OLFM1: variants seen among roughly 807,000 people sequenced by gnomAD.
OLFM1 encodes noelin.
In OLFM1, 9 loss-of-function variants were observed where a neutral mutation model predicts 49.7. The ratio of observed to expected loss-of-function variants is 0.18; its 90% CI spans 0.11 to 0.32. The LOEUF (loss-of-function observed/expected upper bound fraction) is 0.32, where lower values mean the gene tolerates loss of function less well. Ranked by LOEUF, OLFM1 falls within the 10% of genes least tolerant of loss-of-function variation. The pLI is 1.00. For synonymous variants in OLFM1, 240 were observed against 271.8 expected (o/e 0.88, Z 1.15); for missense variants, 369 against 661.8 (o/e 0.56, Z 4.85).
At chr9:135,101,658 A>G (rs1588214279) in intron 4 of OLFM1, among the ~76,000 whole-genome samples, 1 of 152,344 alleles carries the variant, frequency 6.6e-6, no homozygotes, top group African/African-American at 2.4e-5. Context: ...GGGGAGAGTC[A>G]GTGCTGCCCC....
chr9:135,114,020 A>T (rs572323339), intron 5 of OLFM1, among the ~76,000 whole-genome samples: 3 of 151,250 alleles, frequency 2.0e-5, no homozygotes, highest in African/African-American at 7.3e-5. Context: ...CCGTCTTCAC[A>T]TGGCTCCTCC....
chr9:135,104,072 T>G (rs1166140860), intron 4 of OLFM1, among the ~76,000 whole-genome samples: 1 of 152,188 alleles, frequency 6.6e-6, no homozygotes, highest in African/African-American at 2.4e-5. Context: ...AGGAAGCTTC[T>G]TCCCTGGGGC....
At chr9:135,079,072 A>G in intron 1 of OLFM1, among the ~76,000 whole-genome samples, 1 of 152,182 alleles carries the variant, frequency 6.6e-6, no homozygotes, top group East Asian at 1.9e-4. Flanking sequence ...AACTCGGTCA[A>G]TTCTGGGCTT....
At chr9:135,083,447 G>A (rs912810611), upstream of OLFM1, among the ~76,000 whole-genome samples, 3 of 152,152 alleles carry the variant, frequency 2.0e-5, no homozygotes, top group Non-Finnish European at 4.4e-5. Flanking sequence ...CAAGGAACTA[G>A]GACTGAAGAG....
At chr9:135,078,177 A>C (rs967472071) in intron 1 of OLFM1, among the ~76,000 whole-genome samples, 9 of 152,220 alleles carry the variant, frequency 5.9e-5, no homozygotes, top group Non-Finnish European at 1.3e-4. Context: ...GTGAGTGAAG[A>C]AGCATGTCTG....
intron 5 of OLFM1, 67 bp downstream of exon 5, chr9:135,106,922 C>A: frequency 7.8e-7 from 1 of 1,287,006 alleles, no homozygotes. Flanking sequence ...TGGTGGGCCC[C>A]AGACATGGGT....
At position 135,117,582 on chromosome 9, in the gene OLFM1, C is replaced by T. The variant is rs2119145260; in HGVS notation, c.784-1922C>T. Reference sequence around the variant, plus strand: ...ATTTGCCCTCGGCTAGGCCAGGTGGCTGTGCCCCTTCGAAGGCCCCCTTCA... The same window carrying T: ...ATTTGCCCTCGGCTAGGCCAGGTGGTTGTGCCCCTTCGAAGGCCCCCTTCA... On this transcript the variant is annotated intron_variant, in intron 5 of 5. Coordinates refer to ENST00000371793, the MANE Select transcript of OLFM1 (RefSeq NM_001282611.2). This position sits in a 1 kb window ranked among gnomAD's most constrained non-coding sequence, Gnocchi z 5.5. 6.6e-6 allele frequency among the ~76,000 whole-genome samples: 1 copy of T among 152,354 alleles called. No individual in the cohort carries two copies. Among genetic ancestry groups the T allele is most frequent in the East Asian group, 1.9e-4 (1 of 5,184 alleles).
intron 2 of OLFM1, among the ~76,000 whole-genome samples, chr9:135,092,653 C>T (rs760051729): frequency 1.3e-5 from 2 of 152,068 alleles, no homozygotes; most frequent in African/African-American, 2.4e-5. Flanking sequence ...GAGGCATTTG[C>T]GGGGAGAGCA....
At chr9:135,082,318 C>G (rs1830543410) in intron 1 of OLFM1, among the ~76,000 whole-genome samples, 1 of 152,138 alleles carries the variant, frequency 6.6e-6, no homozygotes, top group African/African-American at 2.4e-5. Flanking sequence ...TCCATTCCAG[C>G]TAGTGGTTTT....
upstream of OLFM1, chr9:135,087,667 C>G (rs1830616715): frequency 1.7e-5 from 8 of 479,916 alleles, no homozygotes; most frequent in Non-Finnish European, 2.4e-5. Context: ...GCGCAGCGCT[C>G]AGAGCCGGAC....
rs1830825603 is a variant in OLFM1, at chr9:135,098,215, A to C, written c.457-71A>C. On this transcript the variant is annotated intron_variant, in intron 3 of 5. Coordinates refer to ENST00000371793, the MANE Select transcript of OLFM1 (RefSeq NM_001282611.2). The surrounding 1 kb of genome is among the most constrained non-coding windows in gnomAD (Gnocchi z 5.6). ...TACACACTTTCCCTCACCTAGGGAGAAGCCAGGCCAAGGCAGGGTGTGAGA... is the reference window on the plus strand; with the variant it reads ...TACACACTTTCCCTCACCTAGGGAGCAGCCAGGCCAAGGCAGGGTGTGAGA... The C allele has an allele frequency of 6.4e-7, 1 of 1,563,944 alleles. No homozygotes were observed. Among genetic ancestry groups the C allele is most frequent in the African/African-American group, 1.4e-5 (1 of 73,280 alleles).
At chr9:135,118,773 G>T (rs186482815) in intron 5 of OLFM1, among the ~76,000 whole-genome samples, 1 of 141,890 alleles carries the variant, frequency 7.0e-6, no homozygotes, top group Admixed American at 7.0e-5. Flanking sequence ...AGTGCTCGCC[G>T]TGTCTTTGGA....
intron 1 of OLFM1, chr9:135,076,580 GT>G (rs1830469187): frequency 9.2e-7 from 1 of 1,085,608 alleles, no homozygotes; most frequent in African/African-American, 1.6e-5. Flanking sequence ...AACTGGGAGG[GT>G]TGCTTTGGCA....
At chr9:135,106,332 G>A (rs1830943033) in intron 4 of OLFM1, 1 of 173,290 alleles carries the variant, frequency 5.8e-6, no homozygotes, top group South Asian at 1.4e-4. Flanking sequence ...GTCAGGGCAT[G>A]ACCTCTAATG....
At chr9:135,095,002 A>C (rs1440159526) in intron 2 of OLFM1, 1 of 152,224 alleles carries the variant, frequency 6.6e-6, no homozygotes, top group African/African-American at 2.4e-5. Context: ...CGCAGCCCCG[A>C]ATGCATTTGC....
At chr9:135,084,644 C>G (rs1830575672), upstream of OLFM1, among the ~76,000 whole-genome samples, 1 of 151,996 alleles carries the variant, frequency 6.6e-6, no homozygotes, top group African/African-American at 2.4e-5. This position sits in a 1 kb window ranked among gnomAD's most constrained non-coding sequence, Gnocchi z 4.6. Context: ...TCCTCCCCTC[C>G]CCTTGTTTCC....
intron 1 of OLFM1, chr9:135,077,008 C>T (rs760678997): frequency 6.3e-5 from 98 of 1,550,446 alleles, no homozygotes; most frequent in Non-Finnish European, 8.5e-5. Context: ...CAGAGCCCTT[C>T]TCCTGGTGCT....
chr9:135,078,128 C>A (rs771908660), intron 1 of OLFM1, among the ~76,000 whole-genome samples: 1 of 152,178 alleles, frequency 6.6e-6, no homozygotes. Context: ...CAAAGTTATG[C>A]GTTGCGGGTT....
At chr9:135,108,300 G>A (rs117766246) in intron 5 of OLFM1, among the ~76,000 whole-genome samples, 2,441 of 152,284 alleles carry the variant, frequency 0.016, 25 homozygotes, top group Non-Finnish European at 0.024. Flanking sequence ...TTTTTGTAAT[G>A]ATCATAATAC....
Sources: gnomAD v4.1 joint callset for allele counts (sites outside exome capture counted in the v4.1 genomes callset) on GRCh38, gnomAD v4.1.1 for gene constraint, Gnocchi (gnomAD v3.1) non-coding constraint, MANE v1.5 for transcripts, NCBI Gene and HGNC (gene_info 2026-07-23, HGNC 2026-07-21) for gene names.